The following DDX42 variants were observed in gnomAD, a reference collection of about 807,000 sequenced individuals.
DDX42 encodes ATP-dependent RNA helicase DDX42.
A neutral mutation model predicts 101.5 loss-of-function variants in DDX42; 22 were observed. That is an observed-to-expected ratio of 0.22 (90% CI 0.15 to 0.31). The LOEUF (loss-of-function observed/expected upper bound fraction) is 0.31, where lower values mean the gene tolerates loss of function less well. Ranked by LOEUF, DDX42 falls within the 10% of genes least tolerant of loss-of-function variation. DDX42 has a pLI of 1.00. For missense variants in DDX42, 849 were observed against 1,199.9 expected, an observed-to-expected ratio of 0.71 and a Z score of 4.32; for synonymous variants, 402 against 401.2, an observed-to-expected ratio of 1.00 and a Z score of -0.02.
chr17:63,815,744 C>T (rs1370252692), intron 16 of DDX42, 71 bp downstream of exon 16: 2 of 1,086,954 alleles, frequency 1.8e-6, no homozygotes, highest in African/African-American at 1.6e-5. Context: ...GGAATATTCT[C>T]ATCTACCCAG....
chr17:63,774,204 C>A lies in DDX42; in HGVS notation c.-189C>A. The A allele has an allele frequency of 3.9e-6, 1 of 255,440 alleles. No individual in the cohort carries two copies. Among genetic ancestry groups the A allele is most frequent in the Non-Finnish European group, 7.2e-6 (1 of 139,840 alleles). 15.8% of individuals were successfully genotyped at this position (255,440 alleles called of 1,614,324 possible). On this transcript the variant is annotated 5_prime_UTR_variant, in exon 1 of 18. Transcript: ENST00000389924. ...CCCCCTTCAGCAACGGGCCGTGAGG[C>A]GGTGGCGGTGGTGGCGGTGGCGGCG...
intron 6 of DDX42, among the ~76,000 whole-genome samples, chr17:63,802,658 C>A (rs1378235408): frequency 6.6e-6 from 1 of 151,848 alleles, no homozygotes; most frequent in African/African-American, 2.4e-5. Context: ...TGCCTGTAAT[C>A]CCAGCACTTT....
Position 63,786,614 on chromosome 17 carries a change from G to T in DDX42, c.-16-420G>T, listed in dbSNP as rs570207210. On this transcript the variant is annotated intron_variant, in intron 1 of 17. Transcript: ENST00000389924. ...ACAGTGTTATAGTTTTAATTGAGAAGCTAAAATTTAAAATAAAATTTTAGG... is the reference window on the plus strand; with the variant it reads ...ACAGTGTTATAGTTTTAATTGAGAATCTAAAATTTAAAATAAAATTTTAGG... Among the ~76,000 whole-genome samples the T allele has an allele frequency of 3.3e-5, 5 of 152,304 alleles. No homozygotes were observed. The South Asian group carries it at 1.0e-3, about 32-fold the overall frequency.
At chr17:63,810,963 G>A in intron 12 of DDX42, 113 bp from the exon 13 acceptor site, 1 of 782,936 alleles carries the variant, frequency 1.3e-6, no homozygotes, top group South Asian at 1.9e-5. Flanking sequence ...TAAATTTAAA[G>A]TTCAGGTGAG....
intron 5 of DDX42, 197 bp from the exon 6 acceptor site, chr17:63,800,270 TA>T: frequency 1.8e-6 from 1 of 548,476 alleles, no homozygotes; most frequent in South Asian, 2.6e-5. Context: ...TTAATAGTAC[TA>T]ACTGTTTAAT....
intron 2 of DDX42, among the ~76,000 whole-genome samples, chr17:63,789,571 GTT>G (rs538515067): frequency 1.8e-3 from 82 of 45,664 alleles, no homozygotes; most frequent in African/African-American, 8.6e-3. Context: ...TTTTGTTTTT[GTT>G]TTTTTTTTTT....
chr17:63,806,277 T>G, intron 7 of DDX42: 1 of 279,600 alleles, frequency 3.6e-6, no homozygotes, highest in African/African-American at 2.2e-5. Context: ...AGAAAATTAA[T>G]TTTGAGTTAA....
rs373139585 is a variant in DDX42, at chr17:63,818,115, G to A, written c.2534G>A (p.Arg845His). ...GDGGRHGDGY[R>H]HPESSSRHTD... ...GGTGGTCGCCATGGAGATGGATACC[G>A]CCATCCAGAAAGCAGCAGCCGTCAT... Residue 845 changes from arginine (R) to histidine (H), a missense_variant, in exon 18 of 18, where the codon CGC (arginine) becomes CAC (histidine). This residue lies in a region of DDX42 where 300 missense variants were observed against 304.9 expected (regional missense o/e 0.98). Coordinates refer to ENST00000389924, the MANE Select transcript of DDX42 (RefSeq NM_203499.3). 1.8e-5 allele frequency: 29 copies of A among 1,613,794 alleles called. No homozygotes were observed. The highest frequency in any genetic ancestry group is 3.3e-4 in the Middle Eastern group (2 of 6,084).
At chr17:63,817,154 C>T (rs1598345558) in intron 17 of DDX42, 188 bp downstream of exon 17, 1 of 554,668 alleles carries the variant, frequency 1.8e-6, no homozygotes, top group South Asian at 2.2e-5. Context: ...ATCTAGAGAA[C>T]CCCTTGTGCT....
intron 1 of DDX42, among the ~76,000 whole-genome samples, chr17:63,784,216 TAAAC>T (rs1050209400): frequency 1.3e-5 from 2 of 152,216 alleles, no homozygotes; most frequent in African/African-American, 4.8e-5. Context: ...GTTACTATAA[TAAAC>T]AGTTTTTGGA....
intron 3 of DDX42, among the ~76,000 whole-genome samples, chr17:63,795,492 C>A (rs996533623): frequency 6.6e-6 from 1 of 150,934 alleles, no homozygotes; most frequent in Non-Finnish European, 1.5e-5. Context: ...TACAGGTGCA[C>A]GGCACCACAC....
Position 63,806,516 on chromosome 17 carries a change from G to T in DDX42, c.727-19G>T, listed in dbSNP as rs1437194785. On this transcript the variant is annotated intron_variant, in intron 7 of 17. Coordinates refer to ENST00000389924, the MANE Select transcript of DDX42 (RefSeq NM_203499.3). The stretch of plus-strand genomic sequence containing the variant: ...ATGTTGAAGTACAAGTCATTCTGGG[G>T]AGTTGTCTCTATCTCTAGGTCTCTG... The T allele has an allele frequency of 6.2e-7, 1 of 1,604,504 alleles. No homozygotes were observed. Among genetic ancestry groups the T allele is most frequent in the Non-Finnish European group, 8.5e-7 (1 of 1,175,802 alleles).
At chr17:63,803,787 C>T (rs896359515) in intron 6 of DDX42, among the ~76,000 whole-genome samples, 14 of 151,426 alleles carry the variant, frequency 9.2e-5, no homozygotes, top group African/African-American at 3.4e-4. Flanking sequence ...GTAGCTGGGA[C>T]TACAGGTGTG....
At chr17:63,809,761 T>TA in intron 11 of DDX42, 102 bp downstream of exon 11, 1 of 871,310 alleles carries the variant, frequency 1.1e-6, no homozygotes, top group Non-Finnish European at 1.9e-6. Flanking sequence ...AAGCTAAAAA[T>TA]ACTCCTGGAT....
Position 63,810,561 on chromosome 17 carries a change from G to A in DDX42, c.1300+1G>A. On this transcript the variant is annotated splice_donor_variant, in intron 12 of 17. Transcript: ENST00000389924. LOFTEE classifies it high-confidence loss of function. ...AGTCATGTTCGTCCTGACAGGCAGA[G>A]TATGTATGAAGCACCTTTGTTAAAC... 6.2e-7 allele frequency: 1 copy of A among 1,614,050 alleles called. No individual in the cohort carries two copies. The highest frequency in any genetic ancestry group is 8.5e-7 in the Non-Finnish European group (1 of 1,180,000).
chr17:63,785,455 AC>A (rs1178459405), intron 1 of DDX42, among the ~76,000 whole-genome samples: 1 of 148,164 alleles, frequency 6.7e-6, no homozygotes, highest in Non-Finnish European at 1.5e-5. Flanking sequence ...GTCTCAAAAA[AC>A]AAAAAACAAA....
intron 1 of DDX42, among the ~76,000 whole-genome samples, chr17:63,783,653 C>T (rs1055042716): frequency 5.9e-5 from 9 of 152,166 alleles, no homozygotes; most frequent in South Asian, 4.1e-4. Context: ...TTAGTACTTA[C>T]TAAATACATA....
intron 2 of DDX42, among the ~76,000 whole-genome samples, chr17:63,789,261 T>C (rs760900148): frequency 1.3e-5 from 2 of 151,960 alleles, no homozygotes; most frequent in Admixed American, 6.6e-5. Flanking sequence ...GTATTTTTAG[T>C]AGAAACGCGG....
intron 2 of DDX42, among the ~76,000 whole-genome samples, chr17:63,789,015 A>G (rs1016103308): frequency 4.0e-5 from 6 of 151,272 alleles, no homozygotes; most frequent in African/African-American, 1.5e-4. Flanking sequence ...CAGTTCTCCC[A>G]CCTCAGCCTC....
Sources: allele counts gnomAD v4.1 joint callset (sites outside exome capture counted in the v4.1 genomes callset), GRCh38; gene constraint gnomAD v4.1.1; regional missense constraint gnomAD v4.1.1; transcripts MANE v1.5; gene names NCBI Gene and HGNC (gene_info 2026-07-23, HGNC 2026-07-21).